The following PTPRA variants were observed in gnomAD, a reference collection of about 807,000 sequenced individuals.
PTPRA encodes the protein receptor-type tyrosine-protein phosphatase alpha.
A neutral mutation model predicts 104.8 loss-of-function variants in PTPRA; 25 were observed. The observed-to-expected ratio is 0.24, with a 90% confidence interval of 0.17 to 0.33. PTPRA has a LOEUF of 0.33. Among genes scored for constraint, PTPRA ranks in the 10% least tolerant of loss-of-function variants. The pLI, the probability that PTPRA is intolerant of heterozygous loss-of-function variation, is 1.00. For synonymous variants in PTPRA, 323 were observed against 368.9 expected, an observed-to-expected ratio of 0.88 and a Z score of 1.43; for missense variants, 765 against 1,015.3, an observed-to-expected ratio of 0.75 and a Z score of 3.35.
intron 1 of PTPRA, among the ~76,000 whole-genome samples, chr20:2,879,815 A>G (rs2089949038): frequency 6.6e-6 from 1 of 152,184 alleles, no homozygotes; most frequent in Non-Finnish European, 1.5e-5. Context: ...GTAGCCTAGG[A>G]GCAGTAGGCT....
Position 3,026,695 on chromosome 20 carries a change from A to T in PTPRA, c.1623A>T (p.Thr541=). 3 of 1,610,000 alleles carry T rather than the reference A, an allele frequency of 1.9e-6. No homozygotes were observed. The South Asian group carries it at 3.3e-5, about 18-fold the overall frequency. Residue 541 remains threonine, a synonymous_variant, in exon 18 of 24, where the codon ACA becomes ACT. Transcript: ENST00000399903. ...NGLEEEFKKL[T]SIKIQNDKMR... ...TCCCCTTCCCAATTCAGAAGTTAAC[A>T]TCAATCAAAATCCAGAATGACAAGA...
At position 2,989,529 on chromosome 20, in the gene PTPRA, CTGGA is replaced by C. The variant is rs375933438; in HGVS notation, c.738+1056_738+1059del. Among the ~76,000 whole-genome samples the C allele has an allele frequency of 1.3e-3, 201 of 152,266 alleles. No individual in the cohort carries two copies. The Middle Eastern group carries it at 0.014, about 10-fold the overall frequency. On this transcript the variant is annotated intron_variant, in intron 9 of 23. Transcript: ENST00000399903. The stretch of plus-strand genomic sequence containing the variant: ...AGGGGATTGGGGAGCCTTCCAGCCA[CTGGA>C]AATAGCAGGAGAATTGTCAGGAGTG...
chr20:3,035,623 G>C lies in PTPRA; in HGVS notation c.1959G>C (p.Val653=). 1 of 1,613,582 alleles carries C rather than the reference G, an allele frequency of 6.2e-7. No individual in the cohort carries two copies. Among genetic ancestry groups the C allele is most frequent in the Non-Finnish European group, 8.5e-7 (1 of 1,179,484 alleles). Residue 653 remains valine (V), a synonymous_variant, in exon 21 of 24, where the codon GTG becomes GTC. Transcript: ENST00000399903. This position sits in a 1 kb window ranked among gnomAD's most constrained non-coding sequence, Gnocchi z 5.8. The stretch of plus-strand genomic sequence containing the variant: ...AGTACTGGCCATCTGATGGACTGGT[G>C]TCCTATGGAGATATTACAGTGGAAC... The part of the protein sequence containing the change: ...CAQYWPSDGL[V]SYGDITVELK...
chr20:3,028,182 G>T (rs572861778), intron 20 of PTPRA, among the ~76,000 whole-genome samples: 1 of 150,208 alleles, frequency 6.7e-6, no homozygotes, highest in East Asian at 1.9e-4. Context: ...AGTGCCCCAG[G>T]CGGGGGGGGC....
In PTPRA at chr20:3,003,000, G is replaced by C. The variant is rs541249219; in HGVS notation, c.739-2056G>C. 5.5e-4 allele frequency among the ~76,000 whole-genome samples: 84 copies of C among 152,228 alleles called. 1 individual carries two copies. In the South Asian group the frequency reaches 0.017, roughly 31 times the overall value. On this transcript the variant is annotated intron_variant, in intron 9 of 23. Coordinates refer to ENST00000399903, the MANE Select transcript of PTPRA (RefSeq NM_001385305.1). ...TGGGTTACCACAGATGCTGTTCTCT[G>C]TGTCTGGAATACTATTTTCTATACT... is the stretch of plus-strand genomic sequence containing the variant.
chr20:3,018,859 C>A (rs1313908813), intron 13 of PTPRA, among the ~76,000 whole-genome samples: 1 of 46,050 alleles, frequency 2.2e-5, no homozygotes, highest in African/African-American at 1.6e-4. Flanking sequence ...GGGGGCTGAT[C>A]CCCCCACCTC....
chr20:2,865,144 C>T, the PTPRA span: 1 of 1,614,136 alleles, frequency 6.2e-7, no homozygotes, highest in Non-Finnish European at 8.5e-7. The surrounding 1 kb of genome is among the most constrained non-coding windows in gnomAD (Gnocchi z 5.2). Flanking sequence ...ATCCGGGTCC[C>T]CAGGCTACAG....
Position 2,965,073 on chromosome 20 carries a change from T to G in PTPRA, c.286T>G (p.Ser96Ala). 6.2e-7 allele frequency: 1 copy of G among 1,614,000 alleles called. No individual in the cohort carries two copies. The highest frequency in any genetic ancestry group is 8.5e-7 in the Non-Finnish European group (1 of 1,179,886). Residue 96 changes from serine (S) to alanine (A), a missense_variant, in exon 5 of 24, where the codon TCT (serine) becomes GCT (alanine). Transcript: ENST00000399903. Reference sequence around the variant, plus strand: ...GACCACAAGAACAGCAAGCACCAATTCTATAGGCATTACAATTTCACCAAA... The same window carrying G: ...GACCACAAGAACAGCAAGCACCAATGCTATAGGCATTACAATTTCACCAAA... ...NGTTRTASTN[S>A]IGITISPNGT... is the part of the protein sequence containing the mutation.
intron 4 of PTPRA, among the ~76,000 whole-genome samples, 197 bp from the exon 5 acceptor site, chr20:2,964,664 A>T (rs2061880608): frequency 6.6e-6 from 1 of 152,232 alleles, no homozygotes; most frequent in South Asian, 2.1e-4. Flanking sequence ...TTTCTCCCTT[A>T]AACCGTAGTC....
intron 2 of PTPRA, among the ~76,000 whole-genome samples, chr20:2,932,961 A>G (rs770364848): frequency 1.1e-4 from 16 of 152,038 alleles, no homozygotes; most frequent in Admixed American, 3.9e-4. Context: ...TAATCTTGGG[A>G]AAAAAAAGTA....
chr20:2,918,452 G>GT (rs1229668800), intron 1 of PTPRA, among the ~76,000 whole-genome samples: 1 of 152,338 alleles, frequency 6.6e-6, no homozygotes, highest in Admixed American at 6.5e-5. Context: ...AGTGGTTGCC[G>GT]TAGTAAGCAT....
chr20:2,922,409 G>A (rs778268753), intron 1 of PTPRA, among the ~76,000 whole-genome samples: 4 of 152,010 alleles, frequency 2.6e-5, no homozygotes, highest in Admixed American at 6.6e-5. Flanking sequence ...TCACGATCTC[G>A]GCTCACTGCA....
intron 2 of PTPRA, among the ~76,000 whole-genome samples, chr20:2,947,014 C>T (rs1303867231): frequency 6.6e-6 from 1 of 152,096 alleles, no homozygotes; most frequent in Non-Finnish European, 1.5e-5. Flanking sequence ...GAGATGTGAG[C>T]TCCTTGAGGA....
At chr20:3,025,768 C>T (rs2065107499) in intron 17 of PTPRA, among the ~76,000 whole-genome samples, 1 of 148,870 alleles carries the variant, frequency 6.7e-6, no homozygotes, top group African/African-American at 2.5e-5. Context: ...ACTTGGGAGG[C>T]TGAGGCAGGA....
At chr20:2,864,616 G>T in the PTPRA span, 1 of 1,614,152 alleles carries the variant, frequency 6.2e-7, no homozygotes, top group Non-Finnish European at 8.5e-7. This position sits in a 1 kb window ranked among gnomAD's most constrained non-coding sequence, Gnocchi z 5.2. Context: ...CCAGGAATTG[G>T]GCAGCTTCCA....
At chr20:2,968,303 A>G (rs769770626) in intron 5 of PTPRA, among the ~76,000 whole-genome samples, 7 of 152,132 alleles carry the variant, frequency 4.6e-5, no homozygotes, top group Non-Finnish European at 1.0e-4. Flanking sequence ...TTTTACTGCT[A>G]TCTTAATCCC....
chr20:3,028,319 G>T (rs1326311107), intron 20 of PTPRA, among the ~76,000 whole-genome samples: 1 of 152,126 alleles, frequency 6.6e-6, no homozygotes, highest in African/African-American at 2.4e-5. Context: ...TAGAATTTGA[G>T]AAATTATACA....
At chr20:2,864,498 T>C in the PTPRA span, 1 of 1,614,034 alleles carries the variant, frequency 6.2e-7, no homozygotes, top group South Asian at 1.1e-5. This position sits in a 1 kb window ranked among gnomAD's most constrained non-coding sequence, Gnocchi z 5.2. Flanking sequence ...TGTAGCCTTC[T>C]GAGCACTTGA....
intron 1 of PTPRA, among the ~76,000 whole-genome samples, chr20:2,892,728 T>G (rs1031206824): frequency 6.6e-6 from 1 of 152,210 alleles, no homozygotes; most frequent in South Asian, 2.1e-4. Context: ...AACGATATTT[T>G]CAGTTTATGG....
Sources: allele counts gnomAD v4.1 joint callset (sites outside exome capture counted in the v4.1 genomes callset), GRCh38; gene constraint gnomAD v4.1.1; non-coding constraint Gnocchi (gnomAD v3.1); transcripts MANE v1.5; gene names NCBI Gene and HGNC (gene_info 2026-07-23, HGNC 2026-07-21).